Variants in DLC1 observed in about 807,000 individuals in gnomAD.
DLC1 encodes rho GTPase-activating protein 7.
A neutral mutation model predicts 140.3 loss-of-function variants in DLC1; 54 were observed. The observed-to-expected ratio is 0.38, with a 90% CI of 0.31 to 0.48. DLC1 has a LOEUF of 0.48. DLC1 is among the 20% of genes least tolerant of loss of function. The probability of loss-of-function intolerance (pLI) is 0.96; values close to 1 mark genes in which losing one functional copy is unlikely to be tolerated. For synonymous variants in DLC1, 986 were observed against 728.1 expected (o/e 1.35, Z -5.70); for missense variants, 2,536 against 1,907.0 (o/e 1.33, Z -6.14).
Position 13,499,793 on chromosome 8 carries a change from A to C in DLC1, c.279T>G (p.Gly93=). 1 of 1,614,016 alleles carries C rather than the reference A, an allele frequency of 6.2e-7. No individual in the cohort carries two copies. The highest frequency in any genetic ancestry group is 8.5e-7 in the Non-Finnish European group (1 of 1,180,004). The change falls in exon 2 of 18, where the codon GGT becomes GGG. Residue 93 remains glycine (G), a synonymous_variant. Transcript: ENST00000276297. ...KDVDENDSHE[G]EDQFLSLEAS... Reference sequence around the variant, plus strand: ...CTTCCAGAGAAAGAAACTGATCTTCACCTTCATGGCTGTCATTTTCGTCCA... The same window carrying C: ...CTTCCAGAGAAAGAAACTGATCTTCCCCTTCATGGCTGTCATTTTCGTCCA...
intron 4 of DLC1, among the ~76,000 whole-genome samples, chr8:13,319,478 G>GC (rs1563250229): frequency 3.6e-4 from 42 of 115,528 alleles, no homozygotes; most frequent in African/African-American, 1.4e-3. Flanking sequence ...GCGGGGCGGG[G>GC]GGGGGGGGTG....
At chr8:13,526,689 G>T (rs1033992102) in intron 1 of DLC1, among the ~76,000 whole-genome samples, 1 of 151,832 alleles carries the variant, frequency 6.6e-6, no homozygotes, top group Non-Finnish European at 1.5e-5. Flanking sequence ...GCCAAACACC[G>T]CATGTTCTCA....
At chr8:13,091,190 C>T in intron 14 of DLC1, 128 bp downstream of exon 14, 3 of 711,024 alleles carry the variant, frequency 4.2e-6, no homozygotes, top group South Asian at 4.1e-5. Flanking sequence ...AAGACATTCT[C>T]AGGCTATTTA....
intron 1 of DLC1, among the ~76,000 whole-genome samples, chr8:13,544,445 T>C (rs1803589442): frequency 1.3e-5 from 2 of 152,180 alleles, no homozygotes. Context: ...ACATAGAAGA[T>C]TAAACACAGT....
chr8:13,595,763 T>G (rs1479703135), intron 1 of DLC1, among the ~76,000 whole-genome samples: 1 of 152,060 alleles, frequency 6.6e-6, no homozygotes, highest in Non-Finnish European at 1.5e-5. Flanking sequence ...TGGGGTTTAT[T>G]GCATTGCATT....
chr8:13,507,909 A>T (rs1802173848), intron 1 of DLC1, among the ~76,000 whole-genome samples: 1 of 152,198 alleles, frequency 6.6e-6, no homozygotes, highest in Non-Finnish European at 1.5e-5. Context: ...ATGAAGAAAT[A>T]GGTACCCAGC....
At chr8:13,531,535 A>C (rs1803097702) in intron 1 of DLC1, among the ~76,000 whole-genome samples, 1 of 152,156 alleles carries the variant, frequency 6.6e-6, no homozygotes, top group African/African-American at 2.4e-5. Flanking sequence ...GCAGTGAGCC[A>C]AGATCACACC....
intron 2 of DLC1, among the ~76,000 whole-genome samples, chr8:13,425,039 T>C (rs1378257191): frequency 1.3e-5 from 2 of 152,056 alleles, no homozygotes; most frequent in Admixed American, 1.3e-4. Flanking sequence ...TCACATGCCA[T>C]GTGTCCAGGA....
rs112269603 is a variant in DLC1 at position 13,312,915 on chromosome 8, A to T, written c.1315-7613T>A. On this transcript the variant is annotated intron_variant, in intron 4 of 17. Transcript: ENST00000276297. Reference sequence around the variant, plus strand: ...GGATGATACTCAAGATAATTAACTTATTCAGAGACCAATTGACTCAAAATG... The same window carrying T: ...GGATGATACTCAAGATAATTAACTTTTTCAGAGACCAATTGACTCAAAATG... 8.4e-3 allele frequency among the ~76,000 whole-genome samples: 1,287 copies of T among 152,314 alleles called. 23 individuals are homozygous for T. The highest frequency in any genetic ancestry group is 0.03 in the African/African-American group (1,243 of 41,562).
intron 5 of DLC1, among the ~76,000 whole-genome samples, chr8:13,131,809 T>C (rs908802902): frequency 5.9e-5 from 9 of 152,170 alleles, no homozygotes; most frequent in African/African-American, 2.2e-4. Flanking sequence ...TTCGCCCAGC[T>C]AGCAGGCTGC....
intron 2 of DLC1, among the ~76,000 whole-genome samples, chr8:13,405,970 TTTC>T (rs1193233254): frequency 1.5e-4 from 19 of 127,364 alleles, no homozygotes; most frequent in Non-Finnish European, 3.0e-4. Context: ...TCTTTCTTTC[TTTC>T]ATCTCTCTCT....
intron 2 of DLC1, among the ~76,000 whole-genome samples, chr8:13,435,382 C>T (rs955397676): frequency 2.0e-5 from 3 of 152,038 alleles, no homozygotes; most frequent in Non-Finnish European, 2.9e-5. Flanking sequence ...GGCTCGATCT[C>T]GGCTCACTGC....
intron 5 of DLC1, among the ~76,000 whole-genome samples, chr8:13,257,071 A>G (rs956478060): frequency 5.3e-5 from 8 of 152,004 alleles, no homozygotes; most frequent in African/African-American, 1.9e-4. Context: ...GGAAGATATG[A>G]TCGAGACCAA....
At chr8:13,356,783 C>T (rs912595927) in intron 4 of DLC1, among the ~76,000 whole-genome samples, 1 of 152,138 alleles carries the variant, frequency 6.6e-6, no homozygotes. Context: ...GAATTGGGGT[C>T]TCCGTACTTC....
chr8:13,446,607 G>A (rs1244613452), intron 2 of DLC1, among the ~76,000 whole-genome samples: 1 of 152,024 alleles, frequency 6.6e-6, no homozygotes, highest in Non-Finnish European at 1.5e-5. Context: ...AGGAACGGAG[G>A]GAAGGGGAGG....
chr8:13,552,249 A>G (rs1225245992), intron 1 of DLC1, among the ~76,000 whole-genome samples: 1 of 147,018 alleles, frequency 6.8e-6, no homozygotes, highest in Non-Finnish European at 1.5e-5. Flanking sequence ...ATACCCCCAT[A>G]CCTGTCTACA....
In DLC1 at chr8:13,499,750, C is replaced by G. The variant is rs752829464; in HGVS notation, c.322G>C (p.Val108Leu). The G allele has an allele frequency of 6.2e-6, 10 of 1,614,106 alleles. No individual in the cohort carries two copies. The highest frequency in any genetic ancestry group is 1.7e-5 in the Admixed American group (1 of 60,018). ...LSLEASTETL[V>L]HVSDEDNNAD... ...TTGTTATCCTCATCAGAAACATGCA[C>G]TAGTGTTTCTGTGCTGGCTTCCAGA... The change falls in exon 2 of 18, where the codon GTG (valine) becomes CTG (leucine). Residue 108 changes from valine to leucine, a missense_variant. By Grantham distance (32) the Val-to-Leu change is conservative (BLOSUM62 1). Coordinates refer to ENST00000276297, the MANE Select transcript of DLC1 (RefSeq NM_182643.3).
intron 5 of DLC1, among the ~76,000 whole-genome samples, chr8:13,242,727 G>A (rs550461369): frequency 3.3e-4 from 50 of 152,294 alleles, no homozygotes; most frequent in African/African-American, 1.0e-3. Flanking sequence ...TGCCATTGGA[G>A]AAGGCTTATA....
intron 2 of DLC1, among the ~76,000 whole-genome samples, chr8:13,495,167 A>G (rs1801443824): frequency 6.6e-6 from 1 of 152,202 alleles, no homozygotes; most frequent in Admixed American, 6.5e-5. Flanking sequence ...TCAGACATTT[A>G]TATAATTATT....
Sources: gnomAD v4.1 joint callset for allele counts (sites outside exome capture counted in the v4.1 genomes callset) on GRCh38, gnomAD v4.1.1 for gene constraint, MANE v1.5 for transcripts, NCBI Gene and HGNC (gene_info 2026-07-23, HGNC 2026-07-21) for gene names.